The following HCFC1 variants were observed in gnomAD, a reference collection of about 807,000 sequenced individuals.
The protein encoded by HCFC1 is host cell factor 1.
A neutral mutation model predicts 105.5 loss-of-function variants in HCFC1; 7 were observed. The observed-to-expected ratio is 0.07, with a 90% CI of 0.04 to 0.12. HCFC1 has a LOEUF of 0.12. Ranked by LOEUF, HCFC1 falls within the 10% of genes least tolerant of loss-of-function variation. The pLI, the probability that HCFC1 is intolerant of heterozygous loss-of-function variation, is 1.00. For synonymous variants in HCFC1, 918 were observed against 828.1 expected (o/e 1.11, Z -1.86); for missense variants, 1,065 against 1,823.6 (o/e 0.58, Z 7.58).
chrX:153,958,352 TTCC>T (rs2065397893), intron 10 of HCFC1, 103 bp from the exon 11 acceptor site: 30 of 710,959 alleles, frequency 4.2e-5, no homozygotes, highest in Admixed American at 8.2e-5. Context: ...AACACTCACC[TTCC>T]TCCTCCTCCT....
intron 12 of HCFC1, 71 bp from the exon 13 acceptor site, chrX:153,957,604 G>A (rs1187670230): frequency 1.3e-5 from 12 of 938,054 alleles, no homozygotes; most frequent in East Asian, 3.1e-5. Flanking sequence ...GCTACTCTCC[G>A]CCGGCAGCCT....
Position 153,952,123 on chromosome X carries a change from C to A in HCFC1, c.4978G>T (p.Ala1660Ser). Residue 1660 changes from alanine (A) to serine (S), a missense_variant, in exon 20 of 26, where the codon GCA becomes TCA. Physicochemically the swap from Ala to Ser is moderately conservative, Grantham distance 99. Transcript: ENST00000310441. Reference protein sequence around the residue: ...GEPMDTSEAAATVTQAELGHL... With the variant: ...GEPMDTSEAASTVTQAELGHL... ...CCCAGCTCCGCCTGAGTCACGGTTGCTGCTGCCTCGGAGGTGTCCATGGGC... is the reference window on the plus strand; with the variant it reads ...CCCAGCTCCGCCTGAGTCACGGTTGATGCTGCCTCGGAGGTGTCCATGGGC... 2 of 1,139,382 alleles carry A rather than the reference C, an allele frequency of 1.8e-6. No homozygotes were observed. The highest frequency in any genetic ancestry group is 1.2e-6 in the Non-Finnish European group (1 of 861,688). 93.9% of individuals were successfully genotyped at this position (1,139,382 alleles called of 1,213,427 possible).
rs781913387 is a variant in HCFC1, at chrX:153,970,613, G to C, written c.193+35C>G. ...GGGAGAGGGAGGAGATGGAGGGAGG[G>C]AAAGAGCCGAAGACCCAGCGGGCTT... On this transcript the variant is annotated intron_variant, in intron 1 of 25. Coordinates refer to ENST00000310441, the MANE Select transcript of HCFC1 (RefSeq NM_005334.3). 4 of 1,081,891 alleles carry C rather than the reference G, an allele frequency of 3.7e-6. No homozygotes were observed. In the South Asian group the frequency reaches 7.9e-5, roughly 21 times the overall value. 89.2% of individuals were successfully genotyped at this position (1,081,891 alleles called of 1,213,427 possible).
chrX:153,964,564 TG>T lies in HCFC1; in HGVS notation c.342+13del. Reference sequence around the variant, plus strand: ...GGGCCAAGGAGGCAGAGTGAGAACCTGGGGCTGCTTTACCTGGAGTTCGTAG... The same window carrying T: ...GGGCCAAGGAGGCAGAGTGAGAACCTGGGCTGCTTTACCTGGAGTTCGTAG... On this transcript the variant is annotated intron_variant, in intron 2 of 25. Coordinates refer to ENST00000310441, the MANE Select transcript of HCFC1 (RefSeq NM_005334.3). 8.4e-7 allele frequency: 1 copy of T among 1,187,587 alleles called. No homozygotes were observed. Among genetic ancestry groups the T allele is most frequent in the South Asian group, 1.9e-5 (1 of 52,238 alleles).
chrX:153,962,338 A>C, intron 4 of HCFC1, 32 bp from the exon 5 acceptor site: 3 of 1,042,612 alleles, frequency 2.9e-6, no homozygotes, highest in Non-Finnish European at 4.0e-6. Flanking sequence ...AGGGTTACAC[A>C]AGGTAGACTG....
chrX:153,970,586 G>A (rs1294567183), intron 1 of HCFC1, 62 bp downstream of exon 1: 4 of 816,701 alleles, frequency 4.9e-6, no homozygotes, highest in South Asian at 2.3e-5. Context: ...GAGGAAAGAG[G>A]AGGGAGAGGG....
At chrX:153,965,980 C>T (rs1039485534) in intron 1 of HCFC1, among the ~76,000 whole-genome samples, 1 of 111,942 alleles carries the variant, frequency 8.9e-6, no homozygotes, top group Admixed American at 9.5e-5. Context: ...GAACCGTGTG[C>T]AAGGCTAGCC....
rs782006289 is a variant in HCFC1 at position 153,949,410 on chromosome X, A to C, written c.6069-24T>G. On this transcript the variant is annotated intron_variant, in intron 25 of 25. Coordinates refer to ENST00000310441, the MANE Select transcript of HCFC1 (RefSeq NM_005334.3). ...TCCTTGGAAGGCAGAAAAAGGAAAG[A>C]GAAAGTTAGTGTGGGCCCTGCACCA... 6 of 1,197,017 alleles carry C rather than the reference A, an allele frequency of 5.0e-6. No homozygotes were observed. In the Middle Eastern group the frequency reaches 6.9e-4, roughly 138 times the overall value.
chrX:153,956,757 G>A lies in HCFC1; in HGVS notation c.2503C>T (p.Leu835Phe). The A allele has an allele frequency of 8.3e-7, 1 of 1,210,616 alleles. No homozygotes were observed. Among genetic ancestry groups the A allele is most frequent in the Non-Finnish European group, 1.1e-6 (1 of 895,445 alleles). ...HGQQGVTQVV[L>F]KGAPGQPGTI... The stretch of plus-strand genomic sequence containing the variant: ...CCTGGCTGTCCCGGGGCCCCCTTAA[G>A]CACCACCTGGAACACCAGAGGAAAG... The change falls in exon 15 of 26, where the codon CTT becomes TTT. Residue 835 changes from leucine (L) to phenylalanine (F), a missense_variant. Leu to Phe is a conservative substitution (Grantham distance 22). Coordinates refer to ENST00000310441, the MANE Select transcript of HCFC1 (RefSeq NM_005334.3).
At chrX:153,949,977 C>T (rs781810873) in intron 24 of HCFC1, among the ~76,000 whole-genome samples, 33 of 111,706 alleles carry the variant, frequency 3.0e-4, no homozygotes, top group African/African-American at 1.0e-3. Context: ...GTGCTGTTTT[C>T]GGGCCTGGAA....
chrX:153,957,151 C>T (rs918251719), intron 13 of HCFC1, 91 bp from the exon 14 acceptor site: 12 of 1,056,289 alleles, frequency 1.1e-5, no homozygotes, highest in Middle Eastern at 3.7e-4. Flanking sequence ...CAAGTCACAG[C>T]CATAGCCCTG....
At chrX:153,963,135 C>T (rs2065444836) in intron 4 of HCFC1, 90 bp downstream of exon 4, 1 of 674,059 alleles carries the variant, frequency 1.5e-6, no homozygotes. Flanking sequence ...AAGAGCCCCA[C>T]CTCACCATAC....
chrX:153,957,751 T>A, intron 12 of HCFC1, 31 bp downstream of exon 12: 1 of 1,101,253 alleles, frequency 9.1e-7, no homozygotes, highest in Admixed American at 2.2e-5. Flanking sequence ...AGGCCCCCAC[T>A]CTTGCGTATG....
rs1196649601 is a variant in HCFC1 at position 153,948,706 on chromosome X, C to T, written c.*641G>A. 1.8e-5 allele frequency: 2 copies of T among 112,447 alleles called. No homozygotes were observed. Among genetic ancestry groups the T allele is most frequent in the African/African-American group, 3.2e-5 (1 of 30,914 alleles). 9.3% of individuals were successfully genotyped at this position (112,447 alleles called of 1,213,427 possible). On this transcript the variant is annotated 3_prime_UTR_variant, in exon 26 of 26. Coordinates refer to ENST00000310441, the MANE Select transcript of HCFC1 (RefSeq NM_005334.3). ...TGCACAGGCGCTGCCCAGGCCGCCG[C>T]GGGGCTCCTTGCCCCTTTTTTCTTT...
chrX:153,951,727 C>T lies in HCFC1; in HGVS notation c.5261-20G>A, dbSNP rs1239118220. On this transcript the variant is annotated intron_variant, in intron 20 of 25. Transcript: ENST00000310441. ...CCAGGCCTAGGAAGAAAGAAGGTGTCAGCGGGAAAGACTCGGGAAACCTGG... is the reference window on the plus strand; with the variant it reads ...CCAGGCCTAGGAAGAAAGAAGGTGTTAGCGGGAAAGACTCGGGAAACCTGG... The T allele has an allele frequency of 8.4e-7, 1 of 1,192,701 alleles. No individual in the cohort carries two copies. Among genetic ancestry groups the T allele is most frequent in the Non-Finnish European group, 1.1e-6 (1 of 884,805 alleles).
intron 10 of HCFC1, 46 bp downstream of exon 10, chrX:153,958,523 G>C: frequency 3.7e-6 from 4 of 1,091,426 alleles, no homozygotes; most frequent in Non-Finnish European, 5.0e-6. Context: ...CGGAGGGAAT[G>C]ACTATGCTTG....
At chrX:153,965,594 G>C (rs1255227208) in intron 1 of HCFC1, among the ~76,000 whole-genome samples, 2 of 112,340 alleles carry the variant, frequency 1.8e-5, no homozygotes, top group Non-Finnish European at 3.8e-5. Context: ...CCAAACTGGG[G>C]GCCAGGTGCA....
intron 5 of HCFC1, 21 bp downstream of exon 5, chrX:153,962,201 C>T (rs782555431): frequency 4.5e-5 from 52 of 1,168,433 alleles, no homozygotes; most frequent in Non-Finnish European, 5.6e-5. Context: ...AGAAGAGAGA[C>T]GCAGGTGAGC....
chrX:153,959,146 G>A (rs1557115998), intron 9 of HCFC1, among the ~76,000 whole-genome samples, 185 bp downstream of exon 9: 1 of 113,095 alleles, frequency 8.8e-6, no homozygotes, highest in Non-Finnish European at 1.9e-5. Flanking sequence ...AGGCCTTCTA[G>A]GCATTAACCT....
Sources: allele counts gnomAD v4.1 joint callset (sites outside exome capture counted in the v4.1 genomes callset), GRCh38; gene constraint gnomAD v4.1.1; transcripts MANE v1.5; gene names NCBI Gene and HGNC (gene_info 2026-07-23, HGNC 2026-07-21).